Variants in LRRC38 observed in about 807,000 individuals in gnomAD.
LRRC38 encodes the protein leucine-rich repeat-containing protein 38.
Under a neutral mutation model 16.4 loss-of-function variants are expected in LRRC38, and 5 were observed. The observed-to-expected ratio is 0.31, with a 90% CI of 0.16 to 0.64. LRRC38 has a LOEUF of 0.64. LRRC38 is among the 30% of genes least tolerant of loss of function. LRRC38 has a pLI of 0.80. For missense variants in LRRC38, 341 were observed against 401.8 expected, an observed-to-expected ratio of 0.85 and a Z score of 1.29; for synonymous variants, 191 against 190.2, an observed-to-expected ratio of 1.00 and a Z score of -0.04.
intron 1 of LRRC38, among the ~76,000 whole-genome samples, chr1:13,481,797 C>T (rs976116254): frequency 0.037 from 4,495 of 120,312 alleles, 256 homozygotes; most frequent in African/African-American, 0.14. Context: ...CCCTCTCTCT[C>T]TCTCTCTCTC....
In LRRC38 at chr1:13,513,238, A is replaced by C; in HGVS notation, c.356T>G (p.Leu119Arg). The part of the protein sequence containing the change: ...LDLSYNNLTQ[L>R]GAGAFRSAGR... ...GGCCGAGCGGAAGGCGCCGGCGCCCAGCTGGGTCAAGTTGTTGTAGCTGAG... is the reference window on the plus strand; with the variant it reads ...GGCCGAGCGGAAGGCGCCGGCGCCCCGCTGGGTCAAGTTGTTGTAGCTGAG... Residue 119 changes from leucine (L) to arginine (R), a missense_variant, in exon 1 of 2, where the codon CTG (leucine) becomes CGG (arginine). Leu to Arg is a moderately radical substitution (Grantham distance 102). Transcript: ENST00000376085. 1 of 1,550,356 alleles carries C rather than the reference A, an allele frequency of 6.5e-7. No homozygotes were observed. The highest frequency in any genetic ancestry group is 8.7e-7 in the Non-Finnish European group (1 of 1,146,922).
chr1:13,504,716 G>A (rs931072019), intron 1 of LRRC38, among the ~76,000 whole-genome samples: 1 of 125,794 alleles, frequency 7.9e-6, no homozygotes, highest in African/African-American at 3.0e-5. Flanking sequence ...GAGTGAGACT[G>A]TGTTGAAGGG....
rs554683538 is a variant in LRRC38, at chr1:13,513,228, G to T, written c.366C>A (p.Gly122=). The change falls in exon 1 of 2, where the codon GGC becomes GGA. Residue 122 remains glycine, a synonymous_variant. Coordinates refer to ENST00000376085, the MANE Select transcript of LRRC38 (RefSeq NM_001010847.2). ...SYNNLTQLGA[G]AFRSAGRLVK... ...CCAGCCTCCCGGCCGAGCGGAAGGC[G>T]CCGGCGCCCAGCTGGGTCAAGTTGT... The T allele has an allele frequency of 2.2e-5, 34 of 1,550,436 alleles. No homozygotes were observed. In the African/African-American group the frequency reaches 3.6e-4, roughly 16 times the overall value.
chr1:13,503,625 C>T (rs1029469389), intron 1 of LRRC38, among the ~76,000 whole-genome samples: 5 of 152,192 alleles, frequency 3.3e-5, no homozygotes, highest in Non-Finnish European at 7.3e-5. Flanking sequence ...GCTGCTTCTG[C>T]TAACCTCACC....
At chr1:13,476,194 G>A (rs1638787195) in intron 1 of LRRC38, 95 bp from the exon 2 acceptor site, 2 of 1,166,852 alleles carry the variant, frequency 1.7e-6, no homozygotes, top group African/African-American at 1.6e-5. Flanking sequence ...CCAGCAATGT[G>A]CAAGCATCCT....
chr1:13,512,927 C>CTCCG (rs1557507434), intron 1 of LRRC38, 36 bp downstream of exon 1: 1 of 1,333,536 alleles, frequency 7.5e-7, no homozygotes. Flanking sequence ...CCCTGCCCCC[C>CTCCG]TCCCTCCCTC....
At chr1:13,499,913 T>C (rs925433334) in intron 1 of LRRC38, among the ~76,000 whole-genome samples, 1 of 152,160 alleles carries the variant, frequency 6.6e-6, no homozygotes, top group Admixed American at 6.5e-5. Context: ...AGCTGGGAAC[T>C]GTACAGGGCG....
At chr1:13,503,498 A>T (rs1376647684) in intron 1 of LRRC38, among the ~76,000 whole-genome samples, 1 of 152,026 alleles carries the variant, frequency 6.6e-6, no homozygotes, top group Non-Finnish European at 1.5e-5. Context: ...CGATCTGCTG[A>T]CCTCAGGTGA....
At chr1:13,483,041 C>T (rs1296358743) in intron 1 of LRRC38, among the ~76,000 whole-genome samples, 1 of 152,218 alleles carries the variant, frequency 6.6e-6, no homozygotes, top group Admixed American at 6.5e-5. Context: ...TTGGCCACTG[C>T]ATCGTGCCTC....
chr1:13,491,428 G>A (rs1223603747), intron 1 of LRRC38, among the ~76,000 whole-genome samples: 3 of 152,042 alleles, frequency 2.0e-5, no homozygotes, highest in Admixed American at 1.3e-4. Context: ...TTGGGCTCAG[G>A]CGATCCTCCC....
chr1:13,510,231 G>C (rs1639259309), intron 1 of LRRC38, among the ~76,000 whole-genome samples: 1 of 152,148 alleles, frequency 6.6e-6, no homozygotes. Flanking sequence ...CCTGGACCTT[G>C]TACCCTCATG....
chr1:13,480,515 G>A (rs1638839202), intron 1 of LRRC38, among the ~76,000 whole-genome samples: 1 of 152,196 alleles, frequency 6.6e-6, no homozygotes, highest in Non-Finnish European at 1.5e-5. Flanking sequence ...CTGTTGCCCA[G>A]TGATATGGTT....
intron 1 of LRRC38, among the ~76,000 whole-genome samples, chr1:13,510,041 G>A (rs1639257544): frequency 1.3e-5 from 2 of 152,190 alleles, no homozygotes; most frequent in African/African-American, 4.8e-5. Flanking sequence ...GTGACGCTTT[G>A]AGAAACACCA....
intron 1 of LRRC38, among the ~76,000 whole-genome samples, chr1:13,484,092 C>T (rs1394481065): frequency 6.6e-6 from 1 of 152,122 alleles, no homozygotes; most frequent in East Asian, 1.9e-4. Context: ...CCGCATCACC[C>T]CTGCTAAACC....
At position 13,513,565 on chromosome 1, in the gene LRRC38, G is replaced by A; in HGVS notation, c.29C>T (p.Ala10Val). 1 of 1,219,648 alleles carries A rather than the reference G, an allele frequency of 8.2e-7. No homozygotes were observed. The allele number at this position is 1,219,648 out of a possible 1,614,324, so 75.6% of individuals were successfully genotyped here. A position where few individuals can be genotyped will look rare whatever the true frequency, so the allele number is the denominator to read the frequency against. The change falls in exon 1 of 2, where the codon GCC becomes GTC. Residue 10 changes from alanine (A) to valine (V), a missense_variant. Transcript: ENST00000376085. MRPRAPACA[A>V]AALGLCSLLL... ...AAGGCTGCAGAGCCCGAGCGCCGCG[G>A]CGGCGCAGGCTGGGGCTCGGGGGCG...
At chr1:13,502,274 A>C (rs1639160496) in intron 1 of LRRC38, among the ~76,000 whole-genome samples, 2 of 152,172 alleles carry the variant, frequency 1.3e-5, no homozygotes, top group South Asian at 4.1e-4. Flanking sequence ...AATAAAATAA[A>C]ATAAAGCCAC....
intron 1 of LRRC38, among the ~76,000 whole-genome samples, chr1:13,481,002 A>G (rs1048223498): frequency 4.6e-5 from 7 of 152,142 alleles, no homozygotes; most frequent in Non-Finnish European, 8.8e-5. Flanking sequence ...CCCAGAATGT[A>G]TATGTGGAAG....
chr1:13,480,272 G>T (rs780614743), intron 1 of LRRC38, among the ~76,000 whole-genome samples: 17 of 152,242 alleles, frequency 1.1e-4, no homozygotes, highest in Non-Finnish European at 2.2e-4. Flanking sequence ...TTGAACCCCG[G>T]AGGTAGAGGC....
chr1:13,500,017 G>A (rs989239819), intron 1 of LRRC38, among the ~76,000 whole-genome samples: 4 of 152,180 alleles, frequency 2.6e-5, no homozygotes, highest in Middle Eastern at 6.8e-3. Context: ...TTGGGAGGCC[G>A]AGGCAGGCAG....
Sources: allele counts gnomAD v4.1 joint callset (sites outside exome capture counted in the v4.1 genomes callset), GRCh38; gene constraint gnomAD v4.1.1; transcripts MANE v1.5; gene names NCBI Gene and HGNC (gene_info 2026-07-23, HGNC 2026-07-21).